ABCC2: variants seen among roughly 807,000 people sequenced by gnomAD.
ABCC2 encodes ATP binding cassette subfamily C member 2.
A neutral mutation model predicts 173.4 loss-of-function variants in ABCC2; 157 were observed. That is an observed-to-expected ratio of 0.91 (90% CI 0.80 to 1.03). ABCC2 has a LOEUF of 1.03. ABCC2 is among the 50% of genes least tolerant of loss of function. The pLI, the probability that ABCC2 is intolerant of heterozygous loss-of-function variation, is 0.00. For synonymous variants in ABCC2, 657 were observed against 693.5 expected (o/e 0.95, Z 0.83); for missense variants, 1,822 against 1,852.3 (o/e 0.98, Z 0.30).
chr10:99,818,662 G>A (rs946279749), intron 17 of ABCC2, 128 bp from the exon 18 acceptor site: 5 of 893,938 alleles, frequency 5.6e-6, no homozygotes, highest in African/African-American at 5.1e-5. Context: ...TTGTATAAAG[G>A]AACTTGTAAG....
At chr10:99,842,437 G>C (rs1052370358) in intron 26 of ABCC2, among the ~76,000 whole-genome samples, 1 of 152,124 alleles carries the variant, frequency 6.6e-6, no homozygotes, top group African/African-American at 2.4e-5. Flanking sequence ...AATCAGAAAG[G>C]CTTTTTGAAC....
intron 23 of ABCC2, among the ~76,000 whole-genome samples, chr10:99,834,065 A>T (rs181489570): frequency 2.6e-5 from 4 of 152,248 alleles, no homozygotes; most frequent in African/African-American, 9.6e-5. Context: ...TATTTTTAGT[A>T]GAGATGGGAT....
intron 21 of ABCC2, among the ~76,000 whole-genome samples, chr10:99,831,221 T>C (rs2038732201): frequency 6.6e-6 from 1 of 152,132 alleles, no homozygotes. Context: ...TGATTTTTTG[T>C]TTGTGTGTTT....
In ABCC2 at chr10:99,813,020, T is replaced by C. The variant is rs780712119; in HGVS notation, c.1970T>C (p.Val657Ala). 6.2e-7 allele frequency: 1 copy of C among 1,613,922 alleles called. No individual in the cohort carries two copies. The highest frequency in any genetic ancestry group is 8.5e-7 in the Non-Finnish European group (1 of 1,179,828). Residue 657 changes from valine (V) to alanine (A), a missense_variant and splice_region_variant, in exon 16 of 32, where the codon GTG becomes GCG. Physicochemically the swap from Val to Ala is moderately conservative, Grantham distance 64 (BLOSUM62 0). Transcript: ENST00000647814. Reference sequence around the variant, plus strand: ...TCAAAGACATTCCTGTCTTTCAGTGTGAACCTGGACATTATGGCAGGCCAA... The same window carrying C: ...TCAAAGACATTCCTGTCTTTCAGTGCGAACCTGGACATTATGGCAGGCCAA... ...EHDSEATVRD[V>A]NLDIMAGQLV...
At position 99,823,658 on chromosome 10, in the gene ABCC2, T is replaced by C. The variant is rs886636741; in HGVS notation, c.2620+4389T>C. ...CATTGCTGGAACCATCAGTAAATAC[T>C]GTTAGAGCATTTTCTAAAGGTTCAC... On this transcript the variant is annotated intron_variant, in intron 19 of 31. Transcript: ENST00000647814. Among the ~76,000 whole-genome samples the C allele has an allele frequency of 1.0e-4, 15 of 144,640 alleles. No individual in the cohort carries two copies. The Admixed American group carries it at 1.0e-3, about 10-fold the overall frequency. 94.9% of individuals were successfully genotyped at this position (144,640 alleles called of 152,430 possible). A position where few individuals can be genotyped will look rare whatever the true frequency, so the allele number is the denominator to read the frequency against.
At chr10:99,822,212 G>T (rs2038551344) in intron 19 of ABCC2, among the ~76,000 whole-genome samples, 1 of 152,194 alleles carries the variant, frequency 6.6e-6, no homozygotes, top group Non-Finnish European at 1.5e-5. Flanking sequence ...GGCATAGGGA[G>T]ACTTACCACC....
intron 6 of ABCC2, among the ~76,000 whole-genome samples, chr10:99,795,750 A>AGAAG (rs1393459030): frequency 2.6e-4 from 28 of 109,534 alleles, no homozygotes; most frequent in Non-Finnish European, 4.2e-4. Flanking sequence ...AAAGAAAGAA[A>AGAAG]GAAAGAAAGA....
chr10:99,808,056 A>C (rs1367970667), intron 12 of ABCC2, 27 bp from the exon 13 acceptor site: 2 of 1,613,380 alleles, frequency 1.2e-6, no homozygotes, highest in Admixed American at 3.3e-5. Flanking sequence ...TTTAGGAATA[A>C]ATTGCTCATG....
At chr10:99,851,417 A>G (rs942573162) in intron 31 of ABCC2, 85 bp from the exon 32 acceptor site, 44 of 1,539,650 alleles carry the variant, frequency 2.9e-5, no homozygotes, top group Non-Finnish European at 8.1e-6. Context: ...TGACTATACC[A>G]CAACTTAGTC....
At chr10:99,819,626 CAT>C (rs1490934815) in intron 19 of ABCC2, among the ~76,000 whole-genome samples, 1 of 152,208 alleles carries the variant, frequency 6.6e-6, no homozygotes, top group East Asian at 1.9e-4. Context: ...TCTAGTCACA[CAT>C]GTCATCCCAT....
intron 19 of ABCC2, among the ~76,000 whole-genome samples, chr10:99,823,359 C>G (rs1244046393): frequency 6.6e-6 from 1 of 151,708 alleles, no homozygotes; most frequent in Non-Finnish European, 1.5e-5. Context: ...ACTGTGTGCT[C>G]GAATATGAGT....
intron 19 of ABCC2, among the ~76,000 whole-genome samples, chr10:99,829,571 G>A (rs4077146): frequency 0.27 from 40,798 of 151,630 alleles, 5,705 homozygotes; most frequent in East Asian, 0.38. Context: ...TATTTTCCGG[G>A]TATGTCTTTT....
chr10:99,847,186 C>A, intron 30 of ABCC2, 59 bp downstream of exon 30: 1 of 1,576,942 alleles, frequency 6.3e-7, no homozygotes, highest in Non-Finnish European at 8.7e-7. Flanking sequence ...GGGGCCACTC[C>A]TCGTGTTCCT....
rs17216275 is a variant in ABCC2 at position 99,845,698 on chromosome 10, C to T, written c.4062C>T (p.Ala1354=). Residue 1354 remains alanine, a synonymous_variant, in exon 29 of 32, where the codon GCC becomes GCT. Coordinates refer to ENST00000647814, the MANE Select transcript of ABCC2 (RefSeq NM_000392.5). ...TNCLFRILEA[A]GGQIIIDGVD... ...GCCTCTTCAGAATCTTAGAGGCTGC[C>T]GGTGGTCAGATTATCATTGATGGAG... 4,305 of 1,613,940 alleles carry T rather than the reference C, an allele frequency of 2.7e-3. 112 individuals are homozygous for T. In the African/African-American group the frequency reaches 0.051, roughly 19 times the overall value.
chr10:99,813,253 G>A (rs925671947), intron 16 of ABCC2, 109 bp downstream of exon 16: 1 of 1,391,374 alleles, frequency 7.2e-7, no homozygotes, highest in Non-Finnish European at 9.9e-7. Context: ...AGGTCTTGGA[G>A]ACATCCGATA....
rs372811678 is a variant in ABCC2 at position 99,798,772 on chromosome 10, T to C, written c.868-435T>C. ...AGACCTTCTTTCGAAATAAGGCACATTTTAAGGTATTGGGGGTTAGGGCTT... is the reference window on the plus strand; with the variant it reads ...AGACCTTCTTTCGAAATAAGGCACACTTTAAGGTATTGGGGGTTAGGGCTT... On this transcript the variant is annotated intron_variant, in intron 7 of 31. Coordinates refer to ENST00000647814, the MANE Select transcript of ABCC2 (RefSeq NM_000392.5). 1.8e-4 allele frequency among the ~76,000 whole-genome samples: 28 copies of C among 152,306 alleles called. No individual in the cohort carries two copies. In the East Asian group the frequency reaches 4.8e-3, roughly 26 times the overall value.
intron 2 of ABCC2, among the ~76,000 whole-genome samples, chr10:99,786,857 G>A (rs1475410982): frequency 6.6e-6 from 1 of 152,162 alleles, no homozygotes; most frequent in Admixed American, 6.5e-5. Flanking sequence ...ACAAAAATTA[G>A]CCAGGCATGG....
chr10:99,788,778 G>A (rs1489161533), intron 2 of ABCC2: 1 of 152,534 alleles, frequency 6.6e-6, no homozygotes, highest in Non-Finnish European at 1.5e-5. Flanking sequence ...TCCGGGACTG[G>A]TTGTTCTAGT....
rs1404271474 is a variant in ABCC2 at position 99,797,134 on chromosome 10, G to A, written c.670G>A (p.Glu224Lys). 4 of 1,614,030 alleles carry A rather than the reference G, an allele frequency of 2.5e-6. No individual in the cohort carries two copies. Among genetic ancestry groups the A allele is most frequent in the Admixed American group, 1.7e-5 (1 of 60,004 alleles). The change falls in exon 7 of 32, where the codon GAG becomes AAG. Residue 224 changes from glutamate (E) to lysine (K), a missense_variant. Coordinates refer to ENST00000647814, the MANE Select transcript of ABCC2 (RefSeq NM_000392.5). ...LKGYKRPLTL[E>K]DVWEVDEEMK... The stretch of plus-strand genomic sequence containing the variant: ...AGGCTACAAGCGTCCTCTGACACTC[G>A]AGGATGTCTGGGAAGTTGATGAAGA...
Sources: allele counts gnomAD v4.1 joint callset (sites outside exome capture counted in the v4.1 genomes callset), GRCh38; gene constraint gnomAD v4.1.1; transcripts MANE v1.5; gene names NCBI Gene and HGNC (gene_info 2026-07-23, HGNC 2026-07-21).